The following SIMC1 variants were observed in gnomAD, a reference collection of about 807,000 sequenced individuals.
The protein encoded by SIMC1 is SUMO interacting motifs containing 1, also known as SUMO-interacting motif-containing protein 1.
SIMC1 carries 55 observed loss-of-function variants against 82.3 expected under a neutral mutation model. That is an observed-to-expected ratio of 0.67 (90% CI 0.54 to 0.84). The LOEUF (loss-of-function observed/expected upper bound fraction) is 0.84, where lower values mean the gene tolerates loss of function less well. Among genes scored for constraint, SIMC1 ranks in the 40% least tolerant of loss-of-function variants. SIMC1 has a pLI of 0.00. For missense variants in SIMC1, 915 were observed against 1,107.2 expected (o/e 0.83, Z 2.46); for synonymous variants, 353 against 426.3 (o/e 0.83, Z 2.12).
intron 3 of SIMC1, among the ~76,000 whole-genome samples, chr5:176,295,659 C>T (rs1763782853): frequency 1.5e-5 from 2 of 136,962 alleles, no homozygotes; most frequent in African/African-American, 5.6e-5. Context: ...GCCTCTCAGC[C>T]TCAGTTCTGT....
chr5:176,284,014 G>A (rs962547315), intron 1 of SIMC1, among the ~76,000 whole-genome samples: 1 of 152,170 alleles, frequency 6.6e-6, no homozygotes, highest in African/African-American at 2.4e-5. Context: ...GGAGCCCCCA[G>A]ATTCATAAAG....
chr5:176,273,491 C>T (rs1762537862), intron 1 of SIMC1, among the ~76,000 whole-genome samples: 1 of 151,982 alleles, frequency 6.6e-6, no homozygotes, highest in Admixed American at 6.6e-5. Context: ...GAAACCAGAG[C>T]AGAAAAGCTG....
intron 7 of SIMC1, among the ~76,000 whole-genome samples, chr5:176,326,570 A>C (rs1765402819): frequency 6.6e-6 from 1 of 151,342 alleles, no homozygotes; most frequent in Non-Finnish European, 1.5e-5. Context: ...CTATTTATTT[A>C]TTTATTTGTT....
chr5:176,290,000 C>T lies in SIMC1; in HGVS notation c.476C>T (p.Pro159Leu). Reference protein sequence around the residue: ...ISGGSVYPTEPNCSSATFTGN... With the variant: ...ISGGSVYPTELNCSSATFTGN... ...GGAGGCTCTGTTTATCCAACAGAGC[C>T]TAATTGTAGCTCAGCCACATTCACA... is the stretch of plus-strand genomic sequence containing the variant. Residue 159 changes from proline to leucine, a missense_variant, in exon 2 of 10, where the codon CCT (proline) becomes CTT (leucine). Pro to Leu is a moderately conservative substitution (Grantham distance 98). This residue lies in a region of SIMC1 where 902 missense variants were observed against 1,040.3 expected (regional missense o/e 0.87). Coordinates refer to ENST00000429602, the MANE Select transcript of SIMC1 (RefSeq NM_001308195.2). The T allele has an allele frequency of 6.2e-7, 1 of 1,613,804 alleles. No homozygotes were observed. Among genetic ancestry groups the T allele is most frequent in the Non-Finnish European group, 8.5e-7 (1 of 1,179,810 alleles).
intron 4 of SIMC1, among the ~76,000 whole-genome samples, chr5:176,305,301 G>A (rs560719362): frequency 5.7e-4 from 1 of 1,754 alleles, no homozygotes; most frequent in Non-Finnish European, 1.2e-3. Context: ...CAGCCACCCC[G>A]TCCGGGAGGG....
At chr5:176,277,096 C>A (rs575871004) in intron 1 of SIMC1, among the ~76,000 whole-genome samples, 2 of 151,990 alleles carry the variant, frequency 1.3e-5, no homozygotes, top group African/African-American at 4.8e-5. Flanking sequence ...TCTCCACATC[C>A]TCTCCAGCAC....
intron 1 of SIMC1, among the ~76,000 whole-genome samples, chr5:176,286,743 G>A (rs1763303489): frequency 6.6e-6 from 1 of 152,004 alleles, no homozygotes; most frequent in Admixed American, 6.6e-5. Context: ...TCTGACAAAG[G>A]GCTAATATCC....
At chr5:176,342,363 CTT>C (rs1235797480) in intron 9 of SIMC1, among the ~76,000 whole-genome samples, 1 of 152,170 alleles carries the variant, frequency 6.6e-6, no homozygotes, top group Non-Finnish European at 1.5e-5. Context: ...TCATCTAGTA[CTT>C]GTCTCCCTTT....
At chr5:176,326,269 G>A (rs560981682) in intron 7 of SIMC1, among the ~76,000 whole-genome samples, 2 of 152,250 alleles carry the variant, frequency 1.3e-5, no homozygotes, top group African/African-American at 4.8e-5. Context: ...AAAATGTCAT[G>A]CCAAATAGTA....
chr5:176,282,313 G>A (rs1369889910), intron 1 of SIMC1, among the ~76,000 whole-genome samples: 7 of 152,204 alleles, frequency 4.6e-5, no homozygotes, highest in African/African-American at 1.2e-4. Context: ...GGAGTGATCC[G>A]ATTTTCCAGG....
At chr5:176,332,590 T>G (rs796224209) in intron 7 of SIMC1, among the ~76,000 whole-genome samples, 183 of 152,280 alleles carry the variant, frequency 1.2e-3, no homozygotes, top group African/African-American at 4.3e-3. Context: ...GTGCCTGGCC[T>G]TAGTTTATTT....
At chr5:176,282,551 G>A (rs1375671798) in intron 1 of SIMC1, among the ~76,000 whole-genome samples, 2 of 152,020 alleles carry the variant, frequency 1.3e-5, no homozygotes, top group East Asian at 3.9e-4. Context: ...GTAGACCGGA[G>A]CTGTTCCTAT....
At chr5:176,312,375 A>C (rs1764698629) in intron 4 of SIMC1, among the ~76,000 whole-genome samples, 2 of 152,020 alleles carry the variant, frequency 1.3e-5, no homozygotes, top group Admixed American at 6.5e-5. Context: ...GTCTCTACTA[A>C]AAATACAAAA....
At chr5:176,331,858 A>C (rs563822025) in intron 7 of SIMC1, among the ~76,000 whole-genome samples, 1 of 151,812 alleles carries the variant, frequency 6.6e-6, no homozygotes, top group South Asian at 2.1e-4. Flanking sequence ...AATCTCAGCT[A>C]CTCAGGAGGC....
chr5:176,339,225 A>G (rs970821642), intron 9 of SIMC1, among the ~76,000 whole-genome samples: 3 of 152,138 alleles, frequency 2.0e-5, no homozygotes, highest in Admixed American at 6.5e-5. Flanking sequence ...TTAGCTGGGT[A>G]TAGTGGCGGG....
At position 176,345,188 on chromosome 5, in the gene SIMC1, T is replaced by C. The variant is rs753318776; in HGVS notation, c.2419T>C (p.Leu807=). 23 of 1,613,766 alleles carry C rather than the reference T, an allele frequency of 1.4e-5. No homozygotes were observed. Among genetic ancestry groups the C allele is most frequent in the Non-Finnish European group, 1.9e-5 (23 of 1,179,776 alleles). ...GACTTTTTTCCCTCTTGCAGAACAC[T>C]TAAGGAGTTCCGTGATCGACCGAAA... is the stretch of plus-strand genomic sequence containing the variant. ...SSYQHVLREH[L]RSSVIDRKDL... The change falls in exon 10 of 10, where the codon TTA becomes CTA. Residue 807 remains leucine, a synonymous_variant. Coordinates refer to ENST00000429602, the MANE Select transcript of SIMC1 (RefSeq NM_001308195.2).
intron 1 of SIMC1, among the ~76,000 whole-genome samples, chr5:176,263,948 GA>G (rs935930079): frequency 2.0e-5 from 3 of 152,118 alleles, no homozygotes; most frequent in Non-Finnish European, 4.4e-5. Flanking sequence ...ATTCCAGAAG[GA>G]AAAAAATGGC....
At chr5:176,344,116 GAAT>G (rs1253208870) in intron 9 of SIMC1, among the ~76,000 whole-genome samples, 1 of 152,090 alleles carries the variant, frequency 6.6e-6, no homozygotes, top group Non-Finnish European at 1.5e-5. Context: ...GTTCTTGATA[GAAT>G]ATTATCTAAT....
chr5:176,292,575 C>T (rs1763631669), intron 2 of SIMC1, among the ~76,000 whole-genome samples: 1 of 152,142 alleles, frequency 6.6e-6, no homozygotes, highest in Admixed American at 6.5e-5. Flanking sequence ...GAGTCTCACC[C>T]TGTCACCCAG....
Sources: gnomAD v4.1 joint callset for allele counts (sites outside exome capture counted in the v4.1 genomes callset) on GRCh38, gnomAD v4.1.1 for gene constraint, gnomAD v4.1.1 regional missense constraint, MANE v1.5 for transcripts, NCBI Gene and HGNC (gene_info 2026-07-23, HGNC 2026-07-21) for gene names.